Variants in MLLT3 observed in about 807,000 individuals in gnomAD.
MLLT3 encodes the protein MLLT3 super elongation complex subunit, also known as protein AF-9.
A neutral mutation model predicts 53.2 loss-of-function variants in MLLT3; 4 were observed. The ratio of observed to expected loss-of-function variants is 0.08; its 90% CI spans 0.04 to 0.17. The LOEUF (loss-of-function observed/expected upper bound fraction) is 0.17, where lower values mean the gene tolerates loss of function less well. Among genes scored for constraint, MLLT3 ranks in the 10% least tolerant of loss-of-function variants. The probability of loss-of-function intolerance (pLI) is 1.00; values close to 1 mark genes in which losing one functional copy is unlikely to be tolerated. For synonymous variants in MLLT3, 283 were observed against 230.6 expected (o/e 1.23, Z -2.06); for missense variants, 569 against 684.0 (o/e 0.83, Z 1.87).
At chr9:20,401,525 G>T (rs1282009137) in intron 5 of MLLT3, among the ~76,000 whole-genome samples, 2 of 152,098 alleles carry the variant, frequency 1.3e-5, no homozygotes, top group Non-Finnish European at 2.9e-5. Context: ...CAGGAATCCA[G>T]CCCCTTCCTG....
chr9:20,589,165 G>T (rs1255320713), intron 2 of MLLT3, among the ~76,000 whole-genome samples: 1 of 149,416 alleles, frequency 6.7e-6, no homozygotes, highest in Non-Finnish European at 1.5e-5. Flanking sequence ...ATTCACAATA[G>T]CAAAGACTTG....
At chr9:20,515,882 A>G (rs1587013965) in intron 2 of MLLT3, among the ~76,000 whole-genome samples, 1 of 152,190 alleles carries the variant, frequency 6.6e-6, no homozygotes, top group African/African-American at 2.4e-5. Context: ...GCGGCTGGGG[A>G]GTATGTCTGA....
chr9:20,576,681 G>A (rs1296612772), intron 2 of MLLT3, among the ~76,000 whole-genome samples: 1 of 152,046 alleles, frequency 6.6e-6, no homozygotes, highest in Non-Finnish European at 1.5e-5. Context: ...TAACATCAAC[G>A]ATCACTGATC....
intron 2 of MLLT3, among the ~76,000 whole-genome samples, chr9:20,489,959 C>T (rs969603394): frequency 3.9e-5 from 6 of 152,124 alleles, no homozygotes; most frequent in African/African-American, 1.4e-4. Flanking sequence ...AAGCTAACAA[C>T]CAATGGCAAG....
At chr9:20,460,937 G>A (rs939734136) in intron 2 of MLLT3, among the ~76,000 whole-genome samples, 1 of 152,170 alleles carries the variant, frequency 6.6e-6, no homozygotes, top group African/African-American at 2.4e-5. Context: ...AGCACCACAT[G>A]TTAAGCAATT....
At chr9:20,595,669 A>G (rs1184428282) in intron 2 of MLLT3, among the ~76,000 whole-genome samples, 1 of 152,224 alleles carries the variant, frequency 6.6e-6, no homozygotes, top group Non-Finnish European at 1.5e-5. Flanking sequence ...TGCTAAGACC[A>G]TTAGAGAAAA....
intron 8 of MLLT3, among the ~76,000 whole-genome samples, chr9:20,357,193 T>C (rs1821192013): frequency 6.6e-6 from 1 of 152,222 alleles, no homozygotes; most frequent in African/African-American, 2.4e-5. Context: ...TGATTTATGA[T>C]ATTCTGAATA....
At chr9:20,349,531 A>AT (rs1458314676) in intron 10 of MLLT3, among the ~76,000 whole-genome samples, 4 of 147,172 alleles carry the variant, frequency 2.7e-5, no homozygotes, top group Admixed American at 6.7e-5. Flanking sequence ...GCCGGCTTGA[A>AT]TTAAAAAAAA....
intron 5 of MLLT3, among the ~76,000 whole-genome samples, chr9:20,391,528 G>A (rs188290332): frequency 1.2e-4 from 19 of 152,276 alleles, no homozygotes; most frequent in Non-Finnish European, 1.9e-4. Context: ...AGTGAGCCTA[G>A]GCGGATCAAA....
chr9:20,354,431 G>A (rs7854241), intron 9 of MLLT3, among the ~76,000 whole-genome samples: 33,264 of 152,224 alleles, frequency 0.22, 8,276 homozygotes, highest in African/African-American at 0.61. Flanking sequence ...TTGTAGTCAG[G>A]TTTCAGAAGC....
At chr9:20,506,331 G>A (rs1825380512) in intron 2 of MLLT3, among the ~76,000 whole-genome samples, 7 of 152,088 alleles carry the variant, frequency 4.6e-5, no homozygotes, top group Admixed American at 4.6e-4. Flanking sequence ...GTGAGCCACC[G>A]TGCCCGGCCC....
intron 5 of MLLT3, among the ~76,000 whole-genome samples, chr9:20,377,951 T>C (rs1191704324): frequency 6.6e-6 from 1 of 152,076 alleles, no homozygotes; most frequent in Admixed American, 6.5e-5. Context: ...ACAAGCCTTA[T>C]ATCTTCCTCA....
intron 5 of MLLT3, among the ~76,000 whole-genome samples, chr9:20,412,594 G>A (rs1470687551): frequency 6.6e-6 from 1 of 152,156 alleles, no homozygotes; most frequent in African/African-American, 2.4e-5. Context: ...GCCTTTGCCA[G>A]CATTTAAACT....
chr9:20,401,501 A>G (rs969646934), intron 5 of MLLT3, among the ~76,000 whole-genome samples: 10 of 152,154 alleles, frequency 6.6e-5, no homozygotes, highest in Non-Finnish European at 8.8e-5. Flanking sequence ...TGGCAGCTCT[A>G]CAAGGTCAAG....
chr9:20,479,376 C>A (rs1362409431), intron 2 of MLLT3, among the ~76,000 whole-genome samples: 1 of 152,086 alleles, frequency 6.6e-6, no homozygotes, highest in South Asian at 2.1e-4. Flanking sequence ...CTGCTGTTGG[C>A]CTCCCTTCAC....
intron 4 of MLLT3, among the ~76,000 whole-genome samples, chr9:20,436,094 C>G (rs548532145): frequency 6.6e-6 from 1 of 152,182 alleles, no homozygotes; most frequent in African/African-American, 2.4e-5. Context: ...CCATGGCTTA[C>G]TTGTATCTCT....
At chr9:20,408,832 T>G (rs1194522721) in intron 5 of MLLT3, among the ~76,000 whole-genome samples, 1 of 152,016 alleles carries the variant, frequency 6.6e-6, no homozygotes, top group Non-Finnish European at 1.5e-5. Flanking sequence ...ATGAACAGGG[T>G]GGGGCGGGAG....
At chr9:20,425,694 T>C (rs1244513134) in intron 4 of MLLT3, among the ~76,000 whole-genome samples, 1 of 152,082 alleles carries the variant, frequency 6.6e-6, no homozygotes, top group Non-Finnish European at 1.5e-5. Context: ...GATTGCACTT[T>C]GAGTTATATA....
intron 5 of MLLT3, among the ~76,000 whole-genome samples, chr9:20,396,283 A>G (rs115915388): frequency 3.8e-3 from 573 of 152,214 alleles, no homozygotes; most frequent in African/African-American, 0.013. Flanking sequence ...AAAGAAGGAA[A>G]GAGGGAAGAC....
Sources: allele counts gnomAD v4.1 joint callset (sites outside exome capture counted in the v4.1 genomes callset), GRCh38; gene constraint gnomAD v4.1.1; transcripts MANE v1.5; gene names NCBI Gene and HGNC (gene_info 2026-07-23, HGNC 2026-07-21).